The following EXOC6B variants were observed in gnomAD, a reference collection of about 807,000 sequenced individuals.
EXOC6B encodes the protein SEC15 homolog B.
Under a neutral mutation model 113.5 loss-of-function variants are expected in EXOC6B, and 54 were observed. That is an observed-to-expected ratio of 0.48 (90% CI 0.38 to 0.60). The LOEUF (loss-of-function observed/expected upper bound fraction) is 0.60, where lower values mean the gene tolerates loss of function less well. EXOC6B is among the 20% of genes least tolerant of loss of function. EXOC6B has a pLI of 0.00. For missense variants in EXOC6B, 797 were observed against 977.5 expected (o/e 0.82, Z 2.46); for synonymous variants, 357 against 339.0 (o/e 1.05, Z -0.58).
intron 17 of EXOC6B, among the ~76,000 whole-genome samples, chr2:72,470,475 T>C (rs1190478242): frequency 6.6e-6 from 1 of 152,194 alleles, no homozygotes; most frequent in African/African-American, 2.4e-5. Context: ...TAAGAGTTTT[T>C]TCTTTTTAAT....
At chr2:72,823,180 C>T (rs1286192382) in intron 1 of EXOC6B, among the ~76,000 whole-genome samples, 1 of 139,046 alleles carries the variant, frequency 7.2e-6, no homozygotes, top group African/African-American at 2.7e-5. Context: ...AAGTTGAGAT[C>T]AAAAATGATG....
intron 8 of EXOC6B, among the ~76,000 whole-genome samples, chr2:72,548,320 A>G (rs1183225471): frequency 6.6e-6 from 1 of 152,206 alleles, no homozygotes; most frequent in African/African-American, 2.4e-5. Flanking sequence ...GCTGGCAGAT[A>G]TAAGTAGGAT....
chr2:72,814,705 A>C (rs1686121312), intron 1 of EXOC6B, among the ~76,000 whole-genome samples: 1 of 152,228 alleles, frequency 6.6e-6, no homozygotes, highest in African/African-American at 2.4e-5. Flanking sequence ...AAAAAATTAT[A>C]ATTCTGCCGG....
In EXOC6B at chr2:72,401,626, TATATATATATACATATATAC is replaced by T. The variant is rs1558631275; in HGVS notation, c.1981-21776_1981-21757del. ...ATGTGTATATATATATATATACATATATATATATATACATATATACATATATATATATATATATATGTATA... is the reference window on the plus strand; with the variant it reads ...ATGTGTATATATATATATATACATATATATATATATATATATATATGTATA... On this transcript the variant is annotated intron_variant, in intron 18 of 21. Transcript: ENST00000272427. 5.7e-4 allele frequency among the ~76,000 whole-genome samples: 27 copies of T among 46,986 alleles called. 1 individual carries two copies. Among genetic ancestry groups the T allele is most frequent in the African/African-American group, 1.4e-3 (5 of 3,536 alleles). 30.8% of individuals were successfully genotyped at this position (46,986 alleles called of 152,430 possible).
chr2:72,737,793 A>G (rs1681059399), intron 2 of EXOC6B, among the ~76,000 whole-genome samples: 1 of 152,170 alleles, frequency 6.6e-6, no homozygotes, highest in African/African-American at 2.4e-5. Flanking sequence ...CACAGGTTGC[A>G]GTGAACCAAG....
intron 8 of EXOC6B, among the ~76,000 whole-genome samples, chr2:72,516,147 C>T (rs1701201436): frequency 6.6e-6 from 1 of 152,180 alleles, no homozygotes; most frequent in South Asian, 2.1e-4. Flanking sequence ...TTAAACCACT[C>T]AGTTTATGGG....
At chr2:72,238,898 T>G (rs1682130062) in intron 20 of EXOC6B, among the ~76,000 whole-genome samples, 1 of 152,154 alleles carries the variant, frequency 6.6e-6, no homozygotes, top group Non-Finnish European at 1.5e-5. Flanking sequence ...GTTTTTAGTT[T>G]TTTTGTTTGC....
chr2:72,319,643 A>C (rs542740836), intron 20 of EXOC6B, among the ~76,000 whole-genome samples: 1 of 152,346 alleles, frequency 6.6e-6, no homozygotes, highest in South Asian at 2.1e-4. Context: ...GCCACTTATA[A>C]TGAATATGGA....
intron 1 of EXOC6B, among the ~76,000 whole-genome samples, chr2:72,778,876 G>C (rs1683867390): frequency 6.6e-6 from 1 of 151,948 alleles, no homozygotes; most frequent in Admixed American, 6.6e-5. Flanking sequence ...AAATATAATA[G>C]AGCAAACAAA....
intron 6 of EXOC6B, among the ~76,000 whole-genome samples, chr2:72,600,600 T>C (rs770756197): frequency 6.6e-6 from 1 of 151,784 alleles, no homozygotes; most frequent in Non-Finnish European, 1.5e-5. Context: ...GAAAATCCAA[T>C]GGAAAGGAGA....
chr2:72,770,518 G>C (rs1164434671), intron 1 of EXOC6B, among the ~76,000 whole-genome samples: 3 of 152,070 alleles, frequency 2.0e-5, no homozygotes, highest in African/African-American at 7.2e-5. Flanking sequence ...TAAAATATAG[G>C]AATATTCACA....
intron 1 of EXOC6B, among the ~76,000 whole-genome samples, chr2:72,787,472 T>C (rs1488264640): frequency 1.3e-5 from 2 of 152,062 alleles, no homozygotes; most frequent in Admixed American, 1.3e-4. Context: ...AGTGCTGGGA[T>C]TACAGGTGTG....
At chr2:72,338,164 C>G (rs1341469642) in intron 19 of EXOC6B, among the ~76,000 whole-genome samples, 2 of 152,154 alleles carry the variant, frequency 1.3e-5, no homozygotes, top group Non-Finnish European at 2.9e-5. Flanking sequence ...AACCTCTTTA[C>G]ACTTCAATAT....
At chr2:72,332,299 G>GA (rs958038551) in intron 20 of EXOC6B, among the ~76,000 whole-genome samples, 9 of 151,882 alleles carry the variant, frequency 5.9e-5, no homozygotes, top group East Asian at 1.9e-4. Context: ...ATTATGTAAT[G>GA]AAAAAAATCT....
At chr2:72,547,806 C>G (rs1702993294) in intron 8 of EXOC6B, among the ~76,000 whole-genome samples, 2 of 152,170 alleles carry the variant, frequency 1.3e-5, no homozygotes, top group Admixed American at 6.5e-5. Flanking sequence ...GCCCACCCGT[C>G]TTTATAACTA....
chr2:72,535,732 T>C (rs1158406496), intron 8 of EXOC6B, among the ~76,000 whole-genome samples: 1 of 151,994 alleles, frequency 6.6e-6, no homozygotes, highest in Admixed American at 6.6e-5. Context: ...TGGCCGGGTA[T>C]GGTGACGCAT....
At chr2:72,608,250 T>C (rs1670868111) in intron 6 of EXOC6B, among the ~76,000 whole-genome samples, 1 of 152,140 alleles carries the variant, frequency 6.6e-6, no homozygotes, top group African/African-American at 2.4e-5. Context: ...TATAGTACTC[T>C]ACTATCACAA....
chr2:72,623,890 A>T (rs1671893507), intron 6 of EXOC6B, among the ~76,000 whole-genome samples: 1 of 152,202 alleles, frequency 6.6e-6, no homozygotes, highest in East Asian at 1.9e-4. Context: ...ATAAATGCAC[A>T]ATCCTGCTAG....
intron 18 of EXOC6B, among the ~76,000 whole-genome samples, chr2:72,447,087 A>C (rs1014407093): frequency 6.6e-6 from 1 of 151,750 alleles, no homozygotes; most frequent in African/African-American, 2.4e-5. Context: ...CTGGCGACAG[A>C]GTGAGACTTC....
Sources: gnomAD v4.1 joint callset for allele counts (sites outside exome capture counted in the v4.1 genomes callset) on GRCh38, gnomAD v4.1.1 for gene constraint, MANE v1.5 for transcripts, NCBI Gene and HGNC (gene_info 2026-07-23, HGNC 2026-07-21) for gene names.